The following KCNH5 variants were observed in gnomAD, a reference collection of about 807,000 sequenced individuals.
KCNH5 encodes the protein potassium voltage-gated channel subfamily H member 5, also known as voltage-gated delayed rectifier potassium channel KCNH5.
Under a neutral mutation model 96.1 loss-of-function variants are expected in KCNH5, and 46 were observed. That is an observed-to-expected ratio of 0.48 (90% CI 0.38 to 0.61). The LOEUF (loss-of-function observed/expected upper bound fraction) is 0.61, where lower values mean the gene tolerates loss of function less well. KCNH5 is among the 20% of genes least tolerant of loss of function. The pLI is 0.00. For missense variants in KCNH5, 907 were observed against 1,225.8 expected (o/e 0.74, Z 3.88); for synonymous variants, 439 against 449.8 (o/e 0.98, Z 0.30).
chr14:63,023,976 G>A (rs1307065582), intron 1 of KCNH5, among the ~76,000 whole-genome samples: 1 of 152,102 alleles, frequency 6.6e-6, no homozygotes, highest in Admixed American at 6.6e-5. Context: ...TTGGGAGGCT[G>A]AGCCAGGCAA....
rs1884433746 is a variant in KCNH5 at position 62,706,441 on chromosome 14, T to G, written c.*1067A>C. 6.6e-6 allele frequency: 1 copy of G among 152,220 alleles called. No homozygotes were observed. Among genetic ancestry groups the G allele is most frequent in the Non-Finnish European group, 1.5e-5 (1 of 68,002 alleles). 9.4% of individuals were successfully genotyped at this position (152,220 alleles called of 1,614,324 possible). On this transcript the variant is annotated 3_prime_UTR_variant, in exon 11 of 11. Coordinates refer to ENST00000322893, the MANE Select transcript of KCNH5 (RefSeq NM_139318.5). ...CACTACAAACACTAGGATTCATGTG[T>G]CAACAATCCGTACCAGTGTTTCATT...
chr14:63,045,312 G>A lies in KCNH5; in HGVS notation c.-126C>T. 1.3e-6 allele frequency: 1 copy of A among 752,828 alleles called. No homozygotes were observed. Among genetic ancestry groups the A allele is most frequent in the Non-Finnish European group, 2.2e-6 (1 of 444,610 alleles). The allele number at this position is 752,828 out of a possible 1,614,324, so 46.6% of individuals were successfully genotyped here. ...AGCCGAAAGAAGAGGGGGCGCGGCG[G>A]CGGCGACGGGGTCCCCTGACTGTGT... On this transcript the variant is annotated 5_prime_UTR_variant, in exon 1 of 11. Coordinates refer to ENST00000322893, the MANE Select transcript of KCNH5 (RefSeq NM_139318.5).
intron 8 of KCNH5, among the ~76,000 whole-genome samples, chr14:62,847,558 C>T (rs1048935229): frequency 2.6e-5 from 4 of 152,122 alleles, no homozygotes; most frequent in African/African-American, 4.8e-5. Flanking sequence ...TTTAAATATG[C>T]TTCTCCTATT....
In KCNH5 at chr14:62,704,805, T is replaced by C. The variant is rs1884400144; in HGVS notation, c.*2703A>G. The C allele has an allele frequency of 6.6e-6, 1 of 151,996 alleles. No individual in the cohort carries two copies. Among genetic ancestry groups the C allele is most frequent in the African/African-American group, 2.4e-5 (1 of 41,442 alleles). 9.4% of individuals were successfully genotyped at this position (151,996 alleles called of 1,614,324 possible). ...GAGCATCTACTGTCTATGTGCTAGT[T>C]GAGGCAACATAGAACATGATTTTAT... On this transcript the variant is annotated 3_prime_UTR_variant, in exon 11 of 11. Coordinates refer to ENST00000322893, the MANE Select transcript of KCNH5 (RefSeq NM_139318.5).
chr14:62,730,534 C>G (rs1006943427), intron 10 of KCNH5, among the ~76,000 whole-genome samples: 3 of 152,202 alleles, frequency 2.0e-5, no homozygotes, highest in Non-Finnish European at 2.9e-5. Flanking sequence ...GACTCACATT[C>G]CTCTTCTTTA....
intron 3 of KCNH5, among the ~76,000 whole-genome samples, chr14:63,006,107 A>G (rs1036145754): frequency 5.3e-5 from 8 of 152,210 alleles, no homozygotes; most frequent in African/African-American, 1.9e-4. Context: ...ATAAGTATTA[A>G]TTACAAAATA....
chr14:62,791,406 G>A (rs541581304), intron 9 of KCNH5, among the ~76,000 whole-genome samples: 16 of 151,566 alleles, frequency 1.1e-4, no homozygotes, highest in Admixed American at 9.2e-4. Context: ...TGACAAAAGG[G>A]CAAGAATAAG....
At chr14:62,842,238 T>C (rs1421384736) in intron 8 of KCNH5, among the ~76,000 whole-genome samples, 4 of 152,210 alleles carry the variant, frequency 2.6e-5, no homozygotes, top group African/African-American at 4.8e-5. Flanking sequence ...ATTACTATTA[T>C]AAAAAGTATT....
chr14:63,039,905 G>A (rs958655171), intron 1 of KCNH5, among the ~76,000 whole-genome samples: 19 of 152,018 alleles, frequency 1.2e-4, no homozygotes, highest in Middle Eastern at 3.2e-3. Context: ...TGGGGGAAGG[G>A]GGAGGTGGGA....
intron 1 of KCNH5, among the ~76,000 whole-genome samples, chr14:63,042,398 T>G (rs1891841572): frequency 6.6e-6 from 1 of 152,124 alleles, no homozygotes; most frequent in South Asian, 2.1e-4. Flanking sequence ...TCTATATCTA[T>G]GTCTATGTTT....
At chr14:62,895,595 T>G (rs2140088581) in intron 7 of KCNH5, among the ~76,000 whole-genome samples, 1 of 152,156 alleles carries the variant, frequency 6.6e-6, no homozygotes, top group South Asian at 2.1e-4. Context: ...GGCTTCCCAA[T>G]GTCAGCATCA....
At chr14:62,781,580 G>A (rs1289625546) in intron 9 of KCNH5, among the ~76,000 whole-genome samples, 2 of 152,176 alleles carry the variant, frequency 1.3e-5, no homozygotes, top group African/African-American at 4.8e-5. Flanking sequence ...ACCGCCAGGT[G>A]CGCATTCTCT....
chr14:62,754,726 A>T (rs1595607900), intron 10 of KCNH5, among the ~76,000 whole-genome samples: 2 of 151,600 alleles, frequency 1.3e-5, no homozygotes, highest in East Asian at 1.9e-4. Flanking sequence ...ACAAAAAAAA[A>T]TAGTCAAGCA....
At chr14:62,876,004 T>C (rs1481468056) in intron 7 of KCNH5, among the ~76,000 whole-genome samples, 2 of 152,094 alleles carry the variant, frequency 1.3e-5, no homozygotes, top group East Asian at 1.9e-4. Flanking sequence ...CCATCTCTAC[T>C]GAAAATACAA....
chr14:62,893,617 A>G (rs997004053), intron 7 of KCNH5, among the ~76,000 whole-genome samples: 3 of 152,108 alleles, frequency 2.0e-5, no homozygotes, highest in African/African-American at 7.2e-5. Context: ...TTAGCTGGGC[A>G]TGGTGGTGTG....
chr14:62,964,708 T>G (rs999884327), intron 6 of KCNH5, among the ~76,000 whole-genome samples: 1 of 152,154 alleles, frequency 6.6e-6, no homozygotes, highest in Non-Finnish European at 1.5e-5. Context: ...AACCCAGGAA[T>G]GTCTTTCTCA....
At chr14:62,768,618 AT>A (rs1885916031) in intron 10 of KCNH5, among the ~76,000 whole-genome samples, 1 of 152,208 alleles carries the variant, frequency 6.6e-6, no homozygotes, top group South Asian at 2.1e-4. Context: ...AATTTGTAAA[AT>A]GTCTATCTTT....
intron 8 of KCNH5, among the ~76,000 whole-genome samples, chr14:62,822,814 A>G (rs1469535986): frequency 6.6e-6 from 1 of 152,144 alleles, no homozygotes; most frequent in Non-Finnish European, 1.5e-5. Context: ...ACACATTAAA[A>G]GAAATAAAAA....
At chr14:62,826,407 CAT>C (rs1491343420) in intron 8 of KCNH5, among the ~76,000 whole-genome samples, 1 of 53,742 alleles carries the variant, frequency 1.9e-5, no homozygotes, top group Non-Finnish European at 3.6e-5. Context: ...TGCGTGCGTG[CAT>C]GTGTGTGTGT....
Sources: allele counts gnomAD v4.1 joint callset (sites outside exome capture counted in the v4.1 genomes callset), GRCh38; gene constraint gnomAD v4.1.1; transcripts MANE v1.5; gene names NCBI Gene and HGNC (gene_info 2026-07-23, HGNC 2026-07-21).